JMJD1C: variants seen among roughly 807,000 people sequenced by gnomAD.
JMJD1C encodes the protein jumonji domain containing 1C.
A neutral mutation model predicts 245.3 loss-of-function variants in JMJD1C; 31 were observed. The observed-to-expected ratio is 0.13, with a 90% CI of 0.09 to 0.17. The LOEUF (loss-of-function observed/expected upper bound fraction) is 0.17, where lower values mean the gene tolerates loss of function less well. Among genes scored for constraint, JMJD1C ranks in the 10% least tolerant of loss-of-function variants. The probability of loss-of-function intolerance (pLI) is 1.00; values close to 1 mark genes in which losing one functional copy is unlikely to be tolerated. For missense variants in JMJD1C, 2,691 were observed against 3,000.2 expected, an observed-to-expected ratio of 0.90 and a Z score of 2.41; for synonymous variants, 1,057 against 1,017.4, an observed-to-expected ratio of 1.04 and a Z score of -0.74.
At chr10:63,363,252 C>CTTTTT (rs71463517) in intron 2 of JMJD1C, among the ~76,000 whole-genome samples, 11 of 99,852 alleles carry the variant, frequency 1.1e-4, no homozygotes, top group Middle Eastern at 5.4e-3. Flanking sequence ...TCATACAATT[C>CTTTTT]TTTTTTTTTT....
chr10:63,280,146 A>T (rs1028738975), intron 2 of JMJD1C, among the ~76,000 whole-genome samples: 1 of 152,134 alleles, frequency 6.6e-6, no homozygotes, highest in Non-Finnish European at 1.5e-5. Context: ...GCGAGACTTC[A>T]TATCAATTTA....
chr10:63,326,204 T>C (rs1036969593), intron 2 of JMJD1C, among the ~76,000 whole-genome samples: 6 of 151,976 alleles, frequency 3.9e-5, no homozygotes, highest in Admixed American at 1.3e-4. Flanking sequence ...TGTTTAAAGA[T>C]GATAAAATGG....
At chr10:63,482,628 T>C (rs965624787) in intron 1 of JMJD1C, among the ~76,000 whole-genome samples, 1 of 151,700 alleles carries the variant, frequency 6.6e-6, no homozygotes, top group South Asian at 2.1e-4. Flanking sequence ...AGAGCAAGAC[T>C]TCATCTCAAA....
chr10:63,404,980 G>A (rs1179670903), intron 1 of JMJD1C, among the ~76,000 whole-genome samples: 3 of 152,100 alleles, frequency 2.0e-5, no homozygotes, highest in Non-Finnish European at 2.9e-5. Context: ...AATGTTTAAG[G>A]ATCAACATGA....
chr10:63,256,167 T>A (rs1853893324), intron 3 of JMJD1C, among the ~76,000 whole-genome samples: 1 of 152,170 alleles, frequency 6.6e-6, no homozygotes, highest in Non-Finnish European at 1.5e-5. Flanking sequence ...ATGTTTTTAA[T>A]CTGAATATTG....
chr10:63,507,558 T>A (rs1018555362), intron 1 of JMJD1C, among the ~76,000 whole-genome samples: 2 of 143,442 alleles, frequency 1.4e-5, no homozygotes, highest in African/African-American at 5.1e-5. Context: ...GGCAGGAGAA[T>A]CACTTGAACC....
At chr10:63,449,470 A>C (rs1951908051) in intron 1 of JMJD1C, among the ~76,000 whole-genome samples, 1 of 152,152 alleles carries the variant, frequency 6.6e-6, no homozygotes, top group Middle Eastern at 3.2e-3. Flanking sequence ...TATTAAGCCT[A>C]TGAATGAAAA....
chr10:63,176,697 A>AC, intron 23 of JMJD1C: 1 of 436,380 alleles, frequency 2.3e-6, no homozygotes, highest in Non-Finnish European at 4.1e-6. Flanking sequence ...ACAGTTTACT[A>AC]CTTCCTTCTC....
chr10:63,258,657 C>T (rs1589308291), intron 3 of JMJD1C, among the ~76,000 whole-genome samples: 1 of 152,310 alleles, frequency 6.6e-6, no homozygotes, highest in East Asian at 1.9e-4. Flanking sequence ...CTTTCACTTA[C>T]TTCTTTAACC....
chr10:63,335,639 G>A (rs1033393979), intron 2 of JMJD1C, among the ~76,000 whole-genome samples: 2 of 152,056 alleles, frequency 1.3e-5, no homozygotes, highest in African/African-American at 4.8e-5. Flanking sequence ...AGCCTCCCAA[G>A]TAGCTAGGAT....
At chr10:63,404,967 T>C (rs1470098132) in intron 1 of JMJD1C, among the ~76,000 whole-genome samples, 1 of 152,216 alleles carries the variant, frequency 6.6e-6, no homozygotes, top group Admixed American at 6.5e-5. Context: ...ATTTACCAGC[T>C]GCAATGTTTA....
In JMJD1C at chr10:63,214,531, G is replaced by A. The variant is rs756662482; in HGVS notation, c.1636C>T (p.His546Tyr). 3.1e-5 allele frequency: 50 copies of A among 1,613,804 alleles called. No homozygotes were observed. Among genetic ancestry groups the A allele is most frequent in the Non-Finnish European group, 4.2e-5 (50 of 1,179,972 alleles). ...KMDPNVSDSK[H>Y]SIANAKFLET... ...AAGAATTTTGCATTTGCAATAGAGTGTTTTGAATCACTAACATTAGGATCC... is the reference window on the plus strand; with the variant it reads ...AAGAATTTTGCATTTGCAATAGAGTATTTTGAATCACTAACATTAGGATCC... Residue 546 changes from histidine to tyrosine, a missense_variant, in exon 8 of 26, where the codon CAC becomes TAC. This residue lies in a region of JMJD1C where 1,562 missense variants were observed against 1,490.7 expected (regional missense o/e 1.05). Coordinates refer to ENST00000399262, the MANE Select transcript of JMJD1C (RefSeq NM_032776.3).
chr10:63,503,393 A>G (rs1954620429), intron 1 of JMJD1C, among the ~76,000 whole-genome samples: 1 of 152,224 alleles, frequency 6.6e-6, no homozygotes. Flanking sequence ...CTGAGCAAAA[A>G]CATTTTCGTA....
intron 2 of JMJD1C, among the ~76,000 whole-genome samples, chr10:63,298,364 T>G (rs1195274009): frequency 6.6e-6 from 1 of 152,208 alleles, no homozygotes; most frequent in African/African-American, 2.4e-5. Flanking sequence ...CCATGTCTCC[T>G]CTGAAAACTG....
chr10:63,213,927 G>A lies in JMJD1C; in HGVS notation c.2240C>T (p.Thr747Ile), dbSNP rs1157995731. ...PFPLHSSSHRTCLNPGTHHPA... is the reference protein window; with the variant it reads ...PFPLHSSSHRICLNPGTHHPA... ...ATGATGGGTACCTGGATTTAAACAG[G>A]TTCTATGAGATGAGGAGTGAAGAGG... The change falls in exon 8 of 26, where the codon ACC (threonine) becomes ATC (isoleucine). Residue 747 changes from threonine (T) to isoleucine (I), a missense_variant. Transcript: ENST00000399262. 1.2e-6 allele frequency: 2 copies of A among 1,614,030 alleles called. No individual in the cohort carries two copies. Among genetic ancestry groups the A allele is most frequent in the Admixed American group, 1.7e-5 (1 of 60,006 alleles).
intron 1 of JMJD1C, among the ~76,000 whole-genome samples, chr10:63,493,807 ATATAAAGT>A (rs1169313760): frequency 2.6e-5 from 4 of 152,216 alleles, no homozygotes; most frequent in African/African-American, 7.2e-5. Flanking sequence ...GAATAAACTC[ATATAAAGT>A]TAGAAAGGAA....
chr10:63,471,926 T>C (rs1171104209), intron 1 of JMJD1C, among the ~76,000 whole-genome samples: 1 of 152,112 alleles, frequency 6.6e-6, no homozygotes, highest in African/African-American at 2.4e-5. Flanking sequence ...TAGTGCCAAC[T>C]ACTCGGGAGG....
chr10:63,193,491 G>A lies in JMJD1C; in HGVS notation c.5735-19C>T. The A allele has an allele frequency of 6.5e-7, 1 of 1,550,316 alleles. No individual in the cohort carries two copies. Among genetic ancestry groups the A allele is most frequent in the Non-Finnish European group, 8.7e-7 (1 of 1,146,970 alleles). On this transcript the variant is annotated intron_variant, in intron 14 of 25. Transcript: ENST00000399262. ...GTCAAAACTACAAAATAAAATGGTAGTTAATAAAAAGATTACCACTAGTTG... is the reference window on the plus strand; with the variant it reads ...GTCAAAACTACAAAATAAAATGGTAATTAATAAAAAGATTACCACTAGTTG...
intron 2 of JMJD1C, among the ~76,000 whole-genome samples, chr10:63,272,965 A>G (rs529435666): frequency 2.6e-5 from 4 of 152,228 alleles, no homozygotes; most frequent in Non-Finnish European, 5.9e-5. Flanking sequence ...AAAGTCATAC[A>G]TTCTTAGTAA....
Sources: gnomAD v4.1 joint callset for allele counts (sites outside exome capture counted in the v4.1 genomes callset) on GRCh38, gnomAD v4.1.1 for gene constraint, gnomAD v4.1.1 regional missense constraint, MANE v1.5 for transcripts, NCBI Gene and HGNC (gene_info 2026-07-23, HGNC 2026-07-21) for gene names.